Variants in PPP1R42 observed in about 807,000 individuals in gnomAD.
PPP1R42 encodes leucine rich repeat containing 67.
Under a neutral mutation model 31.0 loss-of-function variants are expected in PPP1R42, and 34 were observed. That is an observed-to-expected ratio of 1.10 (90% CI 0.83 to 1.46). The LOEUF (loss-of-function observed/expected upper bound fraction) is 1.46, where lower values mean the gene tolerates loss of function less well. PPP1R42 is among the 40% of genes most tolerant of loss of function. The pLI, the probability that PPP1R42 is intolerant of heterozygous loss-of-function variation, is 0.00. For missense variants in PPP1R42, 268 were observed against 303.0 expected, an observed-to-expected ratio of 0.88 and a Z score of 0.86; for synonymous variants, 103 against 109.8, an observed-to-expected ratio of 0.94 and a Z score of 0.39.
At chr8:66,970,344 C>G (rs1814504336) in intron 7 of PPP1R42, among the ~76,000 whole-genome samples, 1 of 151,984 alleles carries the variant, frequency 6.6e-6, no homozygotes, top group Non-Finnish European at 1.5e-5. Context: ...CCATGTTGGC[C>G]AGGCTGGTCT....
At chr8:66,978,619 T>C (rs1028000532) in intron 7 of PPP1R42, among the ~76,000 whole-genome samples, 7 of 152,190 alleles carry the variant, frequency 4.6e-5, no homozygotes, top group African/African-American at 1.2e-4. Context: ...GGTTTCACCA[T>C]GTTGGCCAGG....
chr8:66,992,570 G>A (rs1192055744), intron 5 of PPP1R42, among the ~76,000 whole-genome samples: 1 of 152,224 alleles, frequency 6.6e-6, no homozygotes, highest in Non-Finnish European at 1.5e-5. Flanking sequence ...TATGTCCCTG[G>A]TGGGAGAACC....
chr8:67,024,726 C>T (rs1816341420), intron 1 of PPP1R42, among the ~76,000 whole-genome samples: 1 of 152,030 alleles, frequency 6.6e-6, no homozygotes, highest in Non-Finnish European at 1.5e-5. Flanking sequence ...ATCCACCCAC[C>T]TCGGCCTCCC....
At chr8:66,994,170 GA>G (rs1216622107) in intron 5 of PPP1R42, among the ~76,000 whole-genome samples, 1 of 152,064 alleles carries the variant, frequency 6.6e-6, no homozygotes, top group African/African-American at 2.4e-5. Context: ...GATGTGAGGA[GA>G]GGAGAGGGAA....
Position 66,982,087 on chromosome 8 carries a change from CT to C in PPP1R42, c.763del (p.Arg255GlyfsTer13). On this transcript the variant is annotated frameshift_variant, in exon 7 of 8. Coordinates refer to ENST00000685739, the MANE Select transcript of PPP1R42 (RefSeq NM_001364910.1). LOFTEE classifies it high-confidence loss of function. ...GCTTGCATCCTCATTTTTACTGCTCCTTTTTTTGCTGATTTTCTTGGCATCT... is the reference window on the plus strand; with the variant it reads ...GCTTGCATCCTCATTTTTACTGCTCCTTTTTTGCTGATTTTCTTGGCATCT... ...SKDAKKISKK[R>X]SSKNEDASNS... The C allele has an allele frequency of 1.9e-5, 28 of 1,494,888 alleles. No individual in the cohort carries two copies. The highest frequency in any genetic ancestry group is 9.3e-5 in the South Asian group (7 of 74,874). 92.6% of individuals were successfully genotyped at this position (1,494,888 alleles called of 1,614,324 possible).
At chr8:67,026,705 G>C (rs1235929888) in intron 1 of PPP1R42, among the ~76,000 whole-genome samples, 1 of 151,928 alleles carries the variant, frequency 6.6e-6, no homozygotes, top group African/African-American at 2.4e-5. Flanking sequence ...GGTGGTACAC[G>C]CCTGTGGTCC....
In PPP1R42 at chr8:66,971,427, C is replaced by A. The variant is rs1220150501; in HGVS notation, c.803-7093G>T. Among the ~76,000 whole-genome samples, 4 of 152,054 alleles carry A rather than the reference C, an allele frequency of 2.6e-5. No homozygotes were observed. In the East Asian group the frequency reaches 7.7e-4, roughly 29 times the overall value. On this transcript the variant is annotated intron_variant, in intron 7 of 7. Coordinates refer to ENST00000685739, the MANE Select transcript of PPP1R42 (RefSeq NM_001364910.1). ...ACTGTTCTGAGTTAGTTTATTTTTT[C>A]AAATTGTTTAACTTGTAGGGAGTAA... is the stretch of plus-strand genomic sequence containing the variant.
intron 6 of PPP1R42, chr8:66,985,319 T>C: frequency 1.2e-6 from 1 of 810,060 alleles, no homozygotes; most frequent in South Asian, 1.4e-5. Flanking sequence ...CCATGTCTTC[T>C]GATGGCTTTT....
intron 1 of PPP1R42, among the ~76,000 whole-genome samples, chr8:67,027,994 G>C (rs367768275): frequency 6.6e-6 from 1 of 151,994 alleles, no homozygotes; most frequent in Non-Finnish European, 1.5e-5. Context: ...TTTCGGTTTG[G>C]GGGGTACATG....
chr8:67,003,819 G>A (rs1001800562), intron 5 of PPP1R42, among the ~76,000 whole-genome samples: 7 of 152,110 alleles, frequency 4.6e-5, no homozygotes, highest in African/African-American at 7.2e-5. Flanking sequence ...GGCTGGGTGC[G>A]GTGGCTCACG....
Position 66,964,119 on chromosome 8 carries a change from A to G in PPP1R42, c.*202T>C. ...AACAATAACTTAAAAGTTTTTCCTT[A>G]TATTATGAGATACCATAAAGCTACA... On this transcript the variant is annotated 3_prime_UTR_variant, in exon 8 of 8. Coordinates refer to ENST00000685739, the MANE Select transcript of PPP1R42 (RefSeq NM_001364910.1). The G allele has an allele frequency of 2.5e-6, 1 of 392,490 alleles. No homozygotes were observed. Among genetic ancestry groups the G allele is most frequent in the South Asian group, 1.9e-5 (1 of 53,788 alleles). 24.3% of individuals were successfully genotyped at this position (392,490 alleles called of 1,614,324 possible).
rs141660061 is a variant in PPP1R42, at chr8:66,997,488, C to T, written c.553-8971G>A. ...CTAATTAAAAAAAAAGAGTGATTCT[C>T]TAGCCTCAGACTCCCAGAGAGCTAG... is the stretch of plus-strand genomic sequence containing the variant. On this transcript the variant is annotated intron_variant, in intron 5 of 7. Coordinates refer to ENST00000685739, the MANE Select transcript of PPP1R42 (RefSeq NM_001364910.1). Among the ~76,000 whole-genome samples, 246 of 151,120 alleles carry T rather than the reference C, an allele frequency of 1.6e-3. 2 individuals are homozygous for T. Among genetic ancestry groups the T allele is most frequent in the African/African-American group, 5.7e-3 (236 of 41,142 alleles).
At chr8:67,012,557 G>T (rs990534138) in intron 4 of PPP1R42, among the ~76,000 whole-genome samples, 5 of 152,100 alleles carry the variant, frequency 3.3e-5, no homozygotes, top group Admixed American at 3.3e-4. Flanking sequence ...TATTCCAATG[G>T]CTCTCTACTA....
At chr8:67,010,866 T>C in intron 4 of PPP1R42, 35 bp from the exon 5 acceptor site, 2 of 1,529,788 alleles carry the variant, frequency 1.3e-6, no homozygotes, top group South Asian at 2.5e-5. Context: ...CATTAGTAAA[T>C]AGTCTAAATA....
chr8:67,002,601 A>G (rs1815528489), intron 5 of PPP1R42, among the ~76,000 whole-genome samples: 1 of 152,078 alleles, frequency 6.6e-6, no homozygotes, highest in Non-Finnish European at 1.5e-5. Context: ...GTTGAGCTTC[A>G]TAGATCAGGG....
chr8:67,013,884 A>G (rs1413648148), intron 3 of PPP1R42, among the ~76,000 whole-genome samples: 1 of 152,208 alleles, frequency 6.6e-6, no homozygotes, highest in East Asian at 1.9e-4. Flanking sequence ...TTTGAGGAGC[A>G]TGATAGTTAC....
chr8:66,973,384 G>T (rs937120012), intron 7 of PPP1R42, among the ~76,000 whole-genome samples: 1 of 151,654 alleles, frequency 6.6e-6, no homozygotes, highest in Non-Finnish European at 1.5e-5. Flanking sequence ...GCTCACTGCA[G>T]CCTCTGCCTC....
At chr8:66,999,764 GTTTTTATT>G (rs1815431449) in intron 5 of PPP1R42, among the ~76,000 whole-genome samples, 1 of 152,150 alleles carries the variant, frequency 6.6e-6, no homozygotes, top group Non-Finnish European at 1.5e-5. Context: ...TTGCGGTGAG[GTTTTTATT>G]TGTGAAATAT....
intron 5 of PPP1R42, among the ~76,000 whole-genome samples, chr8:67,001,383 TCTGC>T (rs1815486425): frequency 6.7e-6 from 1 of 150,100 alleles, no homozygotes; most frequent in Non-Finnish European, 1.5e-5. Context: ...TCCTACTATC[TCTGC>T]CTTTTAATTG....
Sources: allele counts gnomAD v4.1 joint callset (sites outside exome capture counted in the v4.1 genomes callset), GRCh38; gene constraint gnomAD v4.1.1; transcripts MANE v1.5; gene names NCBI Gene and HGNC (gene_info 2026-07-23, HGNC 2026-07-21).